Variants in DNAH6 observed in about 807,000 individuals in gnomAD.
The protein encoded by DNAH6 is dynein axonemal heavy chain 6.
In DNAH6, 340 loss-of-function variants were observed where a neutral mutation model predicts 491.4. The observed-to-expected ratio is 0.69, with a 90% confidence interval of 0.63 to 0.76. The LOEUF is 0.76. Among genes scored for constraint, DNAH6 ranks in the 30% least tolerant of loss-of-function variants. DNAH6 has a pLI of 0.00. For synonymous variants in DNAH6, 1,603 were observed against 1,686.1 expected, an observed-to-expected ratio of 0.95 and a Z score of 1.21; for missense variants, 4,443 against 4,972.2, an observed-to-expected ratio of 0.89 and a Z score of 3.20.
In DNAH6 at chr2:84,784,751, T is replaced by C; in HGVS notation, c.10894T>C (p.Phe3632Leu). The change falls in exon 66 of 77, where the codon TTT becomes CTT. Residue 3632 changes from phenylalanine (F) to leucine (L), a missense_variant. Phe to Leu is a conservative substitution (Grantham distance 22). This residue lies in a region of DNAH6 where 1,463 missense variants were observed against 1,656.6 expected (regional missense o/e 0.88). Coordinates refer to ENST00000389394, the MANE Select transcript of DNAH6 (RefSeq NM_001370.2). ...DSAIKDTFRLFLSSMPSNTFP... is the reference protein window; with the variant it reads ...DSAIKDTFRLLLSSMPSNTFP... ...TGCTATCAAGGACACTTTTCGACTT[T>C]TTTTAAGCTCCATGCCTAGTAATAC... is the stretch of plus-strand genomic sequence containing the variant. 3 of 1,551,070 alleles carry C rather than the reference T, an allele frequency of 1.9e-6. No homozygotes were observed. Among genetic ancestry groups the C allele is most frequent in the Non-Finnish European group, 2.6e-6 (3 of 1,146,474 alleles).
At chr2:84,499,811 C>G in the DNAH6 span, among the ~76,000 whole-genome samples, 1 of 151,912 alleles carries the variant, frequency 6.6e-6, no homozygotes, top group Non-Finnish European at 1.5e-5. Context: ...TTTCATATGC[C>G]TGTTTGACAT....
At chr2:84,539,341 CA>C (rs1162589853) in intron 4 of DNAH6, among the ~76,000 whole-genome samples, 3 of 152,090 alleles carry the variant, frequency 2.0e-5, no homozygotes, top group African/African-American at 7.2e-5. Context: ...TACATGCACA[CA>C]CATCCTGGCA....
intron 19 of DNAH6, 87 bp from the exon 20 acceptor site, chr2:84,605,413 A>G: frequency 1.2e-6 from 1 of 831,966 alleles, no homozygotes; most frequent in Non-Finnish European, 1.9e-6. Context: ...ATAATTATGG[A>G]GTTTTTATTT....
At position 84,544,419 on chromosome 2, in the gene DNAH6, T is replaced by G. The variant is rs1313876867; in HGVS notation, c.849T>G (p.Ser283Arg). The change falls in exon 5 of 77, where the codon AGT becomes AGG. Residue 283 changes from serine to arginine, a missense_variant. Physicochemically the swap from Ser to Arg is moderately radical, Grantham distance 110 (BLOSUM62 -1). Around this residue, in one of 3 missense-constraint regions of DNAH6, gnomAD observed 2,977 missense variants for 3,296.6 expected, o/e 0.90. Transcript: ENST00000389394. ...TGTTCCGGAAATGGAAGGCTTTTAG[T>G]GTATGGAGGAAGAATGTCCGCTCCA... Reference protein sequence around the residue: ...FSLFRKWKAFSVWRKNVRSKK... With the variant: ...FSLFRKWKAFRVWRKNVRSKK... 1.9e-6 allele frequency: 3 copies of G among 1,541,850 alleles called. No individual in the cohort carries two copies. The Admixed American group carries it at 5.9e-5, about 30-fold the overall frequency.
intron 4 of DNAH6, among the ~76,000 whole-genome samples, chr2:84,531,200 A>G (rs1310661291): frequency 6.6e-6 from 1 of 152,160 alleles, no homozygotes; most frequent in African/African-American, 2.4e-5. Context: ...GCAATGAGAT[A>G]TGCATTTATC....
At chr2:84,721,021 C>G (rs1197604906) in intron 59 of DNAH6, among the ~76,000 whole-genome samples, 2 of 152,126 alleles carry the variant, frequency 1.3e-5, no homozygotes, top group African/African-American at 2.4e-5. Flanking sequence ...AAAAATATGT[C>G]TCATATTCTC....
At position 84,611,913 on chromosome 2, in the gene DNAH6, T is replaced by A. The variant is rs896937133; in HGVS notation, c.3475+59T>A. Reference sequence around the variant, plus strand: ...TACAATCTTTTAGTAGTCTGGGACTTTAGTCCCAGACTAAAATGTTTCTCT... The same window carrying A: ...TACAATCTTTTAGTAGTCTGGGACTATAGTCCCAGACTAAAATGTTTCTCT... On this transcript the variant is annotated intron_variant, in intron 22 of 76. Transcript: ENST00000389394. 6.4e-5 allele frequency: 88 copies of A among 1,378,918 alleles called. No homozygotes were observed. The African/African-American group carries it at 7.1e-4, about 11-fold the overall frequency. 85.4% of individuals were successfully genotyped at this position (1,378,918 alleles called of 1,614,324 possible). A position where few individuals can be genotyped will look rare whatever the true frequency, so the allele number is the denominator to read the frequency against.
Position 84,709,676 on chromosome 2 carries a change from G to T in DNAH6, c.9252+130G>T, listed in dbSNP as rs929305411. On this transcript the variant is annotated intron_variant, in intron 55 of 76. Transcript: ENST00000389394. ...TAACATACATGGAGATTTAGACCTA[G>T]AAGAGAGTGTTAAAGTCCTATAGTC... The T allele has an allele frequency of 4.1e-5, 43 of 1,044,798 alleles. No homozygotes were observed. In the Middle Eastern group the frequency reaches 2.5e-3, roughly 61 times the overall value. The allele number at this position is 1,044,798 out of a possible 1,614,324, so 64.7% of individuals were successfully genotyped here. A position where few individuals can be genotyped will look rare whatever the true frequency, so the allele number is the denominator to read the frequency against.
Position 84,733,551 on chromosome 2 carries a change from A to G in DNAH6, c.10314A>G (p.Ile3438Met), listed in dbSNP as rs200384774. 23 of 1,551,584 alleles carry G rather than the reference A, an allele frequency of 1.5e-5. No individual in the cohort carries two copies. Among genetic ancestry groups the G allele is most frequent in the Non-Finnish European group, 1.6e-5 (18 of 1,146,986 alleles). ...FPVFHGLTQNILSHPISIRLG... is the reference protein window; with the variant it reads ...FPVFHGLTQNMLSHPISIRLG... ...TTTTTCACGGACTTACCCAAAATATATTGTCACATCCTATTTCCATACGCT... is the reference window on the plus strand; with the variant it reads ...TTTTTCACGGACTTACCCAAAATATGTTGTCACATCCTATTTCCATACGCT... Residue 3438 changes from isoleucine to methionine, a missense_variant, in exon 62 of 77, where the codon ATA (isoleucine) becomes ATG (methionine). This residue lies in a region of DNAH6 where 1,463 missense variants were observed against 1,656.6 expected (regional missense o/e 0.88). Transcript: ENST00000389394.
rs772280925 is a variant in DNAH6, at chr2:84,814,088, T to C, written c.12116T>C (p.Val4039Ala). 12 of 1,551,580 alleles carry C rather than the reference T, an allele frequency of 7.7e-6. No homozygotes were observed. In the Admixed American group the frequency reaches 9.8e-5, roughly 13 times the overall value. Residue 4039 changes from valine to alanine, a missense_variant, in exon 75 of 77, where the codon GTG becomes GCG. Val to Ala is a moderately conservative substitution (Grantham distance 64). Coordinates refer to ENST00000389394, the MANE Select transcript of DNAH6 (RefSeq NM_001370.2). ...GCAGTGATAGAAGCTGCCAAGACAGTGCAATTTGGACAAGAACTGCCCATG... is the reference window on the plus strand; with the variant it reads ...GCAGTGATAGAAGCTGCCAAGACAGCGCAATTTGGACAAGAACTGCCCATG... ...QAAVIEAAKT[V>A]QFGQELPMDM... is the part of the protein sequence containing the mutation.
At chr2:84,633,448 G>A (rs904258831) in intron 29 of DNAH6, among the ~76,000 whole-genome samples, 3 of 152,040 alleles carry the variant, frequency 2.0e-5, no homozygotes. Flanking sequence ...GAGAGAGGAA[G>A]GACCCATAAA....
chr2:84,631,096 T>A (rs1248630900), intron 29 of DNAH6, among the ~76,000 whole-genome samples: 4 of 152,240 alleles, frequency 2.6e-5, no homozygotes, highest in Admixed American at 2.0e-4. Context: ...CCCTGACTGC[T>A]CTCCGCTGAG....
chr2:84,521,284 G>T (rs1676116157), intron 2 of DNAH6, among the ~76,000 whole-genome samples: 1 of 151,890 alleles, frequency 6.6e-6, no homozygotes, highest in South Asian at 2.1e-4. Context: ...TTTGAAAAGT[G>T]TCTGTTCATG....
At chr2:84,705,441 A>G in intron 51 of DNAH6, 45 bp from the exon 52 acceptor site, 1 of 1,456,502 alleles carries the variant, frequency 6.9e-7, no homozygotes, top group Non-Finnish European at 9.1e-7. Context: ...TTGTTCTTAT[A>G]TTACTTCATT....
intron 5 of DNAH6, among the ~76,000 whole-genome samples, chr2:84,544,886 C>CA (rs1197903446): frequency 1.3e-5 from 2 of 152,116 alleles, no homozygotes; most frequent in Admixed American, 6.6e-5. Flanking sequence ...CAAAATAAGT[C>CA]AGGGCCTTGT....
intron 72 of DNAH6, among the ~76,000 whole-genome samples, chr2:84,808,809 GA>G (rs1232406549): frequency 1.3e-5 from 2 of 152,172 alleles, no homozygotes; most frequent in African/African-American, 2.4e-5. Flanking sequence ...TGACTCACTA[GA>G]AATTGTTCAG....
chr2:84,818,349 T>C (rs1216209289), intron 76 of DNAH6, among the ~76,000 whole-genome samples: 1 of 151,276 alleles, frequency 6.6e-6, no homozygotes, highest in African/African-American at 2.4e-5. Context: ...ATTAGCAAGG[T>C]GTGGTGCACA....
chr2:84,537,963 G>A (rs1677858917), intron 4 of DNAH6, among the ~76,000 whole-genome samples: 1 of 152,060 alleles, frequency 6.6e-6, no homozygotes, highest in Non-Finnish European at 1.5e-5. Context: ...TATAGTATAT[G>A]CCAAATCTTG....
At chr2:84,793,100 G>GAAGCCACTATGTTGGGT (rs1235729283) in intron 68 of DNAH6, among the ~76,000 whole-genome samples, 2 of 152,160 alleles carry the variant, frequency 1.3e-5, no homozygotes, top group Non-Finnish European at 2.9e-5. Flanking sequence ...AGGGAAAGGG[G>GAAGCCACTATGTTGGGT]AAGCCACTAT....
Sources: gnomAD v4.1 joint callset for allele counts (sites outside exome capture counted in the v4.1 genomes callset) on GRCh38, gnomAD v4.1.1 for gene constraint, gnomAD v4.1.1 regional missense constraint, MANE v1.5 for transcripts, NCBI Gene and HGNC (gene_info 2026-07-23, HGNC 2026-07-21) for gene names.